TP53I11: variants seen among roughly 807,000 people sequenced by gnomAD.
TP53I11 encodes tumor protein p53 inducible protein 11.
A neutral mutation model predicts 23.3 loss-of-function variants in TP53I11; 9 were observed. The ratio of observed to expected loss-of-function variants is 0.39; its 90% CI spans 0.23 to 0.67. The LOEUF is 0.67. Ranked by LOEUF, TP53I11 falls within the 30% of genes least tolerant of loss-of-function variation. The pLI is 0.48. For synonymous variants in TP53I11, 100 were observed against 106.1 expected, an observed-to-expected ratio of 0.94 and a Z score of 0.35; for missense variants, 170 against 255.2, an observed-to-expected ratio of 0.67 and a Z score of 2.27.
Position 44,938,288 on chromosome 11 carries a change from C to G in TP53I11, c.48G>C (p.Thr16=). ...PPPLMKKHSQ[T]DLVSRLKTRK... is the part of the protein sequence containing the mutation. The stretch of plus-strand genomic sequence containing the variant: ...GGGTCTTCAGGCGGCTCACGAGGTC[C>G]GTCTGGCTGTGCTTCTTCATCAGAG... The change falls in exon 2 of 7, where the codon ACG becomes ACC. Residue 16 remains threonine, a synonymous_variant. Coordinates refer to ENST00000525680, the MANE Select transcript of TP53I11 (RefSeq NM_006034.5). 1 of 1,612,536 alleles carries G rather than the reference C, an allele frequency of 6.2e-7. No individual in the cohort carries two copies. The highest frequency in any genetic ancestry group is 8.5e-7 in the Non-Finnish European group (1 of 1,179,446).
chr11:44,941,977 C>CAA (rs763020836), intron 1 of TP53I11, among the ~76,000 whole-genome samples: 1 of 14,400 alleles, frequency 6.9e-5, no homozygotes, highest in Non-Finnish European at 1.5e-4. Context: ...ACACACAGTA[C>CAA]ACACACACAC....
At chr11:44,942,374 TAC>T (rs1026024196) in intron 1 of TP53I11, among the ~76,000 whole-genome samples, 1 of 86,266 alleles carries the variant, frequency 1.2e-5, no homozygotes, top group Non-Finnish European at 2.4e-5. Flanking sequence ...CACACAACCA[TAC>T]ACACACACCA....
At chr11:44,940,136 G>A (rs543033720) in intron 1 of TP53I11, among the ~76,000 whole-genome samples, 4 of 152,204 alleles carry the variant, frequency 2.6e-5, no homozygotes, top group Non-Finnish European at 5.9e-5. Flanking sequence ...CGTCCCTCCC[G>A]TGGCCAGGCG....
In TP53I11 at chr11:44,934,464, A is replaced by T. The variant is rs996961660; in HGVS notation, c.*420T>A. 2 of 176,538 alleles carry T rather than the reference A, an allele frequency of 1.1e-5. No individual in the cohort carries two copies. Among genetic ancestry groups the T allele is most frequent in the African/African-American group, 2.4e-5 (1 of 42,344 alleles). 10.9% of individuals were successfully genotyped at this position (176,538 alleles called of 1,614,324 possible). On this transcript the variant is annotated 3_prime_UTR_variant, in exon 7 of 7. Transcript: ENST00000525680. ...TGGGCACTAGGTTGGCTGGGAGTGT[A>T]GGGAGAAGGATGGGGGGTGGTCACA...
chr11:44,944,637 A>T (rs1862215181), intron 1 of TP53I11, among the ~76,000 whole-genome samples: 1 of 152,134 alleles, frequency 6.6e-6, no homozygotes. Flanking sequence ...CTTGGGCTCA[A>T]ATCCCTGCTC....
In TP53I11 at chr11:44,932,784, T is replaced by C. The variant is rs975048960; in HGVS notation, c.*2100A>G. The stretch of plus-strand genomic sequence containing the variant: ...CCAGTATTTTGTGAGCACAGCTGTG[T>C]GCCAGAGCCTGGACAGCCTCATGGG... On this transcript the variant is annotated 3_prime_UTR_variant, in exon 7 of 7. Coordinates refer to ENST00000525680, the MANE Select transcript of TP53I11 (RefSeq NM_006034.5). 6.6e-6 allele frequency: 1 copy of C among 152,322 alleles called. No individual in the cohort carries two copies. The highest frequency in any genetic ancestry group is 1.5e-5 in the Non-Finnish European group (1 of 68,126). The allele number at this position is 152,322 out of a possible 1,614,324, so 9.4% of individuals were successfully genotyped here.
chr11:44,938,598 C>A (rs1861429643), intron 1 of TP53I11, among the ~76,000 whole-genome samples: 1 of 152,188 alleles, frequency 6.6e-6, no homozygotes, highest in South Asian at 2.1e-4. Flanking sequence ...CACAGCACAC[C>A]CCATCTGACA....
At chr11:44,949,292 G>A (rs1016252904) in intron 1 of TP53I11, among the ~76,000 whole-genome samples, 16 of 152,178 alleles carry the variant, frequency 1.1e-4, no homozygotes, top group Non-Finnish European at 2.1e-4. Context: ...CGCAGATCCT[G>A]GTCCCCTCTC....
Position 44,933,347 on chromosome 11 carries a change from TGTA to T in TP53I11, c.*1534_*1536del. 2 of 152,422 alleles carry T rather than the reference TGTA, an allele frequency of 1.3e-5. No homozygotes were observed. The highest frequency in any genetic ancestry group is 4.8e-5 in the African/African-American group (2 of 41,450). 9.4% of individuals were successfully genotyped at this position (152,422 alleles called of 1,614,324 possible). A position where few individuals can be genotyped will look rare whatever the true frequency, so the allele number is the denominator to read the frequency against. ...CCACCTGGCAGCAGCCAGAGCGGGC[TGTA>T]CCTATAGACACCCTCCAGCCATCCC... is the stretch of plus-strand genomic sequence containing the variant. On this transcript the variant is annotated 3_prime_UTR_variant, in exon 7 of 7. Coordinates refer to ENST00000525680, the MANE Select transcript of TP53I11 (RefSeq NM_006034.5).
In TP53I11 at chr11:44,936,591, C is replaced by T; in HGVS notation, c.334+212G>A. The T allele has an allele frequency of 7.6e-7, 1 of 1,312,264 alleles. No individual in the cohort carries two copies. The highest frequency in any genetic ancestry group is 9.7e-7 in the Non-Finnish European group (1 of 1,031,196). 81.3% of individuals were successfully genotyped at this position (1,312,264 alleles called of 1,614,324 possible). A position where few individuals can be genotyped will look rare whatever the true frequency, so the allele number is the denominator to read the frequency against. ...CGCTCCTTGCAGATGGTGGCGACTG[C>T]AAGCTCCAACCCACTGGGTGTATTC... On this transcript the variant is annotated intron_variant, in intron 5 of 6. Transcript: ENST00000525680. The surrounding 1 kb of genome is among the most constrained non-coding windows in gnomAD (Gnocchi z 4.4).
Position 44,936,938 on chromosome 11 carries a change from A to G in TP53I11, c.238-39T>C, listed in dbSNP as rs774963309. On this transcript the variant is annotated intron_variant, in intron 4 of 6. Transcript: ENST00000525680. The surrounding 1 kb of genome is among the most constrained non-coding windows in gnomAD (Gnocchi z 4.4). ...GAGGGGCTCAGAGGTCCCGCTTGGG[A>G]GAGGGTGGGGGGTGACAGCTGATGC... The G allele has an allele frequency of 6.8e-7, 1 of 1,467,566 alleles. No homozygotes were observed. Among genetic ancestry groups the G allele is most frequent in the South Asian group, 1.2e-5 (1 of 81,236 alleles). The allele number at this position is 1,467,566 out of a possible 1,614,324, so 90.9% of individuals were successfully genotyped here. A position where few individuals can be genotyped will look rare whatever the true frequency, so the allele number is the denominator to read the frequency against.
intron 4 of TP53I11, 42 bp downstream of exon 4, chr11:44,937,262 C>G: frequency 6.5e-7 from 1 of 1,536,074 alleles, no homozygotes; most frequent in Non-Finnish European, 8.8e-7. Flanking sequence ...GCTGAGGGAG[C>G]CACACGGGGC....
At chr11:44,937,468 G>A in intron 3 of TP53I11, 87 bp downstream of exon 3, 2 of 1,551,150 alleles carry the variant, frequency 1.3e-6, no homozygotes, top group Non-Finnish European at 1.8e-6. Flanking sequence ...AAAATCCAGG[G>A]ACCAGGCCAA....
chr11:44,936,926 G>C lies in TP53I11; in HGVS notation c.238-27C>G. ...TGCGGGCAGCGAGAGGGGCTCAGAG[G>C]TCCCGCTTGGGAGAGGGTGGGGGGT... is the stretch of plus-strand genomic sequence containing the variant. On this transcript the variant is annotated intron_variant, in intron 4 of 6. Coordinates refer to ENST00000525680, the MANE Select transcript of TP53I11 (RefSeq NM_006034.5). This position sits in a 1 kb window ranked among gnomAD's most constrained non-coding sequence, Gnocchi z 4.4. 4 of 1,541,894 alleles carry C rather than the reference G, an allele frequency of 2.6e-6. No homozygotes were observed. Among genetic ancestry groups the C allele is most frequent in the Non-Finnish European group, 3.5e-6 (4 of 1,132,236 alleles).
In TP53I11 at chr11:44,933,496, G is replaced by A. The variant is rs983914484; in HGVS notation, c.*1388C>T. On this transcript the variant is annotated 3_prime_UTR_variant, in exon 7 of 7. Transcript: ENST00000525680. Reference sequence around the variant, plus strand: ...TGCATCGGTGTGCTGGCAGGAGGGAGAAGGTTGGGATCAGGGACTAACGGG... The same window carrying A: ...TGCATCGGTGTGCTGGCAGGAGGGAAAAGGTTGGGATCAGGGACTAACGGG... 2 of 153,758 alleles carry A rather than the reference G, an allele frequency of 1.3e-5. No individual in the cohort carries two copies. Among genetic ancestry groups the A allele is most frequent in the Admixed American group, 1.3e-4 (2 of 15,306 alleles). The allele number at this position is 153,758 out of a possible 1,614,324, so 9.5% of individuals were successfully genotyped here. A position where few individuals can be genotyped will look rare whatever the true frequency, so the allele number is the denominator to read the frequency against.
intron 1 of TP53I11, 96 bp from the exon 2 acceptor site, chr11:44,938,462 G>A: frequency 7.4e-7 from 1 of 1,346,838 alleles, no homozygotes; most frequent in Non-Finnish European, 9.7e-7. Context: ...CCCCACACCA[G>A]GCCTGCTGAG....
chr11:44,932,386 A>AAAAG lies in TP53I11; in HGVS notation c.*2494_*2497dup, dbSNP rs1165810972. On this transcript the variant is annotated 3_prime_UTR_variant, in exon 7 of 7. Coordinates refer to ENST00000525680, the MANE Select transcript of TP53I11 (RefSeq NM_006034.5). ...CTGGTTTTTGTGAATGTTTCTTACAAAAAGAAAAAGGAACAAAGAATAAAT... is the reference window on the plus strand; with the variant it reads ...CTGGTTTTTGTGAATGTTTCTTACAAAAAGAAAGAAAAAGGAACAAAGAATAAAT... 1.3e-5 allele frequency: 2 copies of AAAAG among 152,262 alleles called. No individual in the cohort carries two copies. Among genetic ancestry groups the AAAAG allele is most frequent in the African/African-American group, 4.8e-5 (2 of 41,470 alleles). The allele number at this position is 152,262 out of a possible 1,614,324, so 9.4% of individuals were successfully genotyped here.
intron 1 of TP53I11, chr11:44,940,567 T>C (rs188897769): frequency 4.6e-5 from 7 of 152,346 alleles, no homozygotes; most frequent in Non-Finnish European, 1.0e-4. Flanking sequence ...TTCCTCCAAG[T>C]CACTGTGTGT....
At chr11:44,945,988 C>T (rs1048619065) in intron 1 of TP53I11, among the ~76,000 whole-genome samples, 1 of 152,180 alleles carries the variant, frequency 6.6e-6, no homozygotes, top group Non-Finnish European at 1.5e-5. Flanking sequence ...AATGGCTGTA[C>T]TGGAGAGGCT....
Sources: allele counts gnomAD v4.1 joint callset (sites outside exome capture counted in the v4.1 genomes callset), GRCh38; gene constraint gnomAD v4.1.1; non-coding constraint Gnocchi (gnomAD v3.1); transcripts MANE v1.5; gene names NCBI Gene and HGNC (gene_info 2026-07-23, HGNC 2026-07-21).